CSTPP1: variants seen among roughly 807,000 people sequenced by gnomAD.
CSTPP1 encodes centriolar satellite-associated tubulin polyglutamylase complex regulator 1, also known as UPF0705 protein C11orf49.
chr11:47,033,839 T>A, the CSTPP1 span, among the ~76,000 whole-genome samples: 1 of 152,134 alleles, frequency 6.6e-6, no homozygotes, highest in Admixed American at 6.6e-5. Context: ...TATAACCCCC[T>A]GACTTAGGGG....
the CSTPP1 span, among the ~76,000 whole-genome samples, chr11:46,943,610 G>A: frequency 1.3e-5 from 2 of 152,236 alleles, no homozygotes. Context: ...CAGTGAGGAA[G>A]ATAACTTCTA....
chr11:47,032,174 A>G, the CSTPP1 span, among the ~76,000 whole-genome samples: 1 of 152,198 alleles, frequency 6.6e-6, no homozygotes, highest in Non-Finnish European at 1.5e-5. Flanking sequence ...TTGACACTCA[A>G]TATTAACATG....
At chr11:47,004,614 A>G in the CSTPP1 span, among the ~76,000 whole-genome samples, 1 of 152,176 alleles carries the variant, frequency 6.6e-6, no homozygotes, top group Non-Finnish European at 1.5e-5. Context: ...ATAGCCTAAG[A>G]AAGCTTTTCT....
At chr11:47,061,621 G>A in the CSTPP1 span, among the ~76,000 whole-genome samples, 2 of 152,136 alleles carry the variant, frequency 1.3e-5, no homozygotes, top group East Asian at 1.9e-4. Context: ...ACTGTTCCAT[G>A]TGGTCTCTTC....
the CSTPP1 span, among the ~76,000 whole-genome samples, chr11:47,100,555 G>T: frequency 6.6e-6 from 1 of 152,196 alleles, no homozygotes; most frequent in African/African-American, 2.4e-5. Flanking sequence ...ACTTTGGGAG[G>T]CCGAGGCAGT....
chr11:47,052,192 A>G, the CSTPP1 span: 1 of 522,848 alleles, frequency 1.9e-6, no homozygotes, highest in Non-Finnish European at 3.1e-6. Flanking sequence ...ACTGGCCTCC[A>G]AGAGTTTTCG....
chr11:46,986,558 C>A, the CSTPP1 span, among the ~76,000 whole-genome samples: 4 of 151,886 alleles, frequency 2.6e-5, no homozygotes, highest in Non-Finnish European at 5.9e-5. Flanking sequence ...CTCCCAGGTT[C>A]AAGCAATTCC....
the CSTPP1 span, among the ~76,000 whole-genome samples, chr11:46,975,565 TC>T: frequency 6.6e-6 from 1 of 152,172 alleles, no homozygotes; most frequent in Admixed American, 6.5e-5. Context: ...GCTTTTCTCG[TC>T]TCTTTGGAAA....
the CSTPP1 span, among the ~76,000 whole-genome samples, chr11:47,077,194 TTG>T: frequency 5.2e-5 from 5 of 95,948 alleles, 1 homozygote; most frequent in South Asian, 7.4e-4. Context: ...GAGGATAAAG[TTG>T]TTTTTTTTTT....
the CSTPP1 span, chr11:47,161,312 T>TG: frequency 6.3e-7 from 1 of 1,592,364 alleles, no homozygotes; most frequent in Admixed American, 1.7e-5. Flanking sequence ...GGGAAGGGTC[T>TG]GGGGGCCAGT....
the CSTPP1 span, among the ~76,000 whole-genome samples, chr11:46,963,650 G>A: frequency 4.0e-5 from 6 of 151,850 alleles, no homozygotes; most frequent in Non-Finnish European, 8.8e-5. Context: ...GCTGGGTGTG[G>A]TGCACACACC....
chr11:47,131,238 A>G, the CSTPP1 span, among the ~76,000 whole-genome samples: 1 of 152,156 alleles, frequency 6.6e-6, no homozygotes, highest in Non-Finnish European at 1.5e-5. Flanking sequence ...CACCACTGTG[A>G]TCCTGGCAAA....
chr11:47,061,106 CATCTTTT>C, the CSTPP1 span, among the ~76,000 whole-genome samples: 1 of 151,518 alleles, frequency 6.6e-6, no homozygotes, highest in Non-Finnish European at 1.5e-5. Flanking sequence ...TTTTTTCTTT[CATCTTTT>C]ATGTTTCACT....
the CSTPP1 span, among the ~76,000 whole-genome samples, chr11:46,989,731 A>G: frequency 9.7e-4 from 147 of 152,318 alleles, no homozygotes; most frequent in African/African-American, 3.3e-3. Context: ...GGTTTGTTAC[A>G]TGGGTACATT....
At chr11:47,063,226 A>G in the CSTPP1 span, among the ~76,000 whole-genome samples, 1 of 151,966 alleles carries the variant, frequency 6.6e-6, no homozygotes, top group African/African-American at 2.4e-5. Flanking sequence ...TAGGTCTTAA[A>G]TATATATATA....
At chr11:47,008,448 G>A in the CSTPP1 span, among the ~76,000 whole-genome samples, 3 of 152,230 alleles carry the variant, frequency 2.0e-5, no homozygotes, top group East Asian at 5.8e-4. Flanking sequence ...AAATGATATT[G>A]TGAGATATCT....
At chr11:46,947,822 T>C in the CSTPP1 span, among the ~76,000 whole-genome samples, 3 of 152,162 alleles carry the variant, frequency 2.0e-5, no homozygotes, top group Non-Finnish European at 4.4e-5. Flanking sequence ...GGACTTCAGA[T>C]CAGGTGTTTT....
At chr11:46,987,724 C>A in the CSTPP1 span, 1 of 165,942 alleles carries the variant, frequency 6.0e-6, no homozygotes, top group Non-Finnish European at 1.3e-5. Flanking sequence ...GGATGCTGTG[C>A]CAATCACTTA....
At chr11:46,951,954 A>T in the CSTPP1 span, among the ~76,000 whole-genome samples, 227 of 152,316 alleles carry the variant, frequency 1.5e-3, no homozygotes, top group African/African-American at 5.1e-3. Context: ...CTACTGAGTC[A>T]GTAAGCTGTT....
Sources: allele counts gnomAD v4.1 joint callset (sites outside exome capture counted in the v4.1 genomes callset), GRCh38; gene constraint gnomAD v4.1.1; transcripts MANE v1.5; gene names NCBI Gene and HGNC (gene_info 2026-07-23, HGNC 2026-07-21).